The following IQCJ variants were observed in gnomAD, a reference collection of about 807,000 sequenced individuals.
IQCJ encodes the protein IQ motif containing J, also known as IQ domain-containing protein J.
In IQCJ, 9 loss-of-function variants were observed where a neutral mutation model predicts 11.0. The observed-to-expected ratio is 0.82, with a 90% CI of 0.49 to 1.43. The LOEUF (loss-of-function observed/expected upper bound fraction) is 1.43. IQCJ is among the 40% of genes most tolerant of loss of function. IQCJ has a pLI of 0.00. For missense variants in IQCJ, 146 were observed against 133.2 expected (o/e 1.10, Z -0.47); for synonymous variants, 55 against 51.3 (o/e 1.07, Z -0.31).
intron 1 of IQCJ, among the ~76,000 whole-genome samples, chr3:159,162,517 C>A (rs1203420611): frequency 1.3e-5 from 2 of 152,176 alleles, no homozygotes; most frequent in Non-Finnish European, 2.9e-5. Flanking sequence ...ATTGAATATC[C>A]TTTATTTCCT....
intron 2 of IQCJ, among the ~76,000 whole-genome samples, chr3:159,252,276 T>C (rs761627267): frequency 1.3e-5 from 2 of 152,204 alleles, no homozygotes; most frequent in Non-Finnish European, 2.9e-5. Flanking sequence ...ATCCATGCTT[T>C]GTTCCCAGTG....
At chr3:159,122,712 ATTT>A (rs768873220) in intron 1 of IQCJ, among the ~76,000 whole-genome samples, 24 of 152,194 alleles carry the variant, frequency 1.6e-4, no homozygotes, top group Non-Finnish European at 3.1e-4. Context: ...AAAAATCCAG[ATTT>A]TTTATTAATG....
chr3:159,201,503 G>A (rs953693093), intron 1 of IQCJ, among the ~76,000 whole-genome samples: 2 of 124,276 alleles, frequency 1.6e-5, no homozygotes, highest in African/African-American at 5.9e-5. Context: ...GTGATTCTTT[G>A]TGTATCTCTG....
chr3:159,079,141 A>G (rs1311988952), intron 1 of IQCJ, among the ~76,000 whole-genome samples: 1 of 152,098 alleles, frequency 6.6e-6, no homozygotes, highest in Non-Finnish European at 1.5e-5. Context: ...CAAAGAACCA[A>G]CTAAGCATGG....
rs190993968 is a variant in IQCJ at position 159,118,537 on chromosome 3, A to G, written c.9+49096A>G. Among the ~76,000 whole-genome samples the G allele has an allele frequency of 9.8e-5, 15 of 152,336 alleles. No homozygotes were observed. The East Asian group carries it at 2.9e-3, about 29-fold the overall frequency. On this transcript the variant is annotated intron_variant, in intron 1 of 3. Coordinates refer to ENST00000397832, the MANE Select transcript of IQCJ (RefSeq NM_001042706.3). ...GTAAAAGTTATCAGTCACATTTCAT[A>G]GTTTGGAAAGCAAGTGTCAGGGATG...
downstream of IQCJ, chr3:159,263,798 G>A (rs1244501825): frequency 4.1e-6 from 4 of 985,162 alleles, no homozygotes; most frequent in East Asian, 4.5e-4. Context: ...TGAGTTTATA[G>A]CAGTGCAAAT....
intron 1 of IQCJ, among the ~76,000 whole-genome samples, chr3:159,138,857 T>C (rs2108175767): frequency 6.6e-6 from 1 of 152,370 alleles, no homozygotes; most frequent in South Asian, 2.1e-4. Flanking sequence ...CATATTTATT[T>C]GTGGAGCTCT....
intron 1 of IQCJ, among the ~76,000 whole-genome samples, chr3:159,199,456 A>AT (rs1724186053): frequency 6.6e-6 from 1 of 152,178 alleles, no homozygotes; most frequent in Admixed American, 6.5e-5. Flanking sequence ...TAATACCTTC[A>AT]TTTTTGCCCA....
intron 1 of IQCJ, among the ~76,000 whole-genome samples, chr3:159,094,422 CTTTTTTTTT>C (rs71302258): frequency 1.4e-5 from 1 of 71,714 alleles, no homozygotes; most frequent in Non-Finnish European, 2.5e-5. Flanking sequence ...ACAGGATCTG[CTTTTTTTTT>C]TTTTTTTTTT....
At chr3:159,140,626 GGTTCTGA>G (rs1468986768) in intron 1 of IQCJ, among the ~76,000 whole-genome samples, 1 of 152,168 alleles carries the variant, frequency 6.6e-6, no homozygotes, top group Non-Finnish European at 1.5e-5. Context: ...ATAAAATAGG[GGTTCTGA>G]GTGCAGGGTC....
At chr3:159,160,988 A>C (rs1230230511) in intron 1 of IQCJ, among the ~76,000 whole-genome samples, 1 of 152,104 alleles carries the variant, frequency 6.6e-6, no homozygotes, top group African/African-American at 2.4e-5. Flanking sequence ...GCCGCAATAA[A>C]CATACGTGTG....
chr3:159,110,639 G>A (rs979655577), intron 1 of IQCJ, among the ~76,000 whole-genome samples: 4 of 152,042 alleles, frequency 2.6e-5, no homozygotes, highest in Non-Finnish European at 5.9e-5. Context: ...ACTGTTAGGA[G>A]GGGCCGTCTT....
At chr3:159,212,778 A>G (rs1298382567) in intron 1 of IQCJ, among the ~76,000 whole-genome samples, 1 of 152,154 alleles carries the variant, frequency 6.6e-6, no homozygotes, top group African/African-American at 2.4e-5. Flanking sequence ...TGAAAGGGAA[A>G]ATACTCGAAG....
chr3:159,210,417 G>A (rs1365061425), intron 1 of IQCJ, among the ~76,000 whole-genome samples: 1 of 152,170 alleles, frequency 6.6e-6, no homozygotes, highest in Non-Finnish European at 1.5e-5. Context: ...TACTCTAGTA[G>A]AAGTTAATTT....
At chr3:159,200,091 G>A (rs1724229574) in intron 1 of IQCJ, among the ~76,000 whole-genome samples, 1 of 101,984 alleles carries the variant, frequency 9.8e-6, no homozygotes, top group African/African-American at 5.0e-5. Flanking sequence ...ATGTATGTAT[G>A]TGTTTATACA....
intron 1 of IQCJ, among the ~76,000 whole-genome samples, chr3:159,125,397 C>T (rs139451144): frequency 6.6e-6 from 1 of 152,252 alleles, no homozygotes; most frequent in East Asian, 1.9e-4. Context: ...GATCTTAGAG[C>T]AGAAAATGGA....
chr3:159,122,117 A>G (rs552443169), intron 1 of IQCJ, among the ~76,000 whole-genome samples: 7 of 152,086 alleles, frequency 4.6e-5, no homozygotes, highest in African/African-American at 1.7e-4. Context: ...TTGGCTTTTT[A>G]TTGGTTCATT....
chr3:159,147,704 C>T (rs1720996176), intron 1 of IQCJ, among the ~76,000 whole-genome samples: 1 of 152,144 alleles, frequency 6.6e-6, no homozygotes. Context: ...ACTTTTTTAT[C>T]AATCATCTCA....
chr3:159,112,745 C>A (rs1463386911), intron 1 of IQCJ, among the ~76,000 whole-genome samples: 8 of 152,170 alleles, frequency 5.3e-5, no homozygotes, highest in African/African-American at 1.9e-4. Context: ...GTCCTCAGGG[C>A]AGTCCTTATG....
Sources: allele counts gnomAD v4.1 joint callset (sites outside exome capture counted in the v4.1 genomes callset), GRCh38; gene constraint gnomAD v4.1.1; transcripts MANE v1.5; gene names NCBI Gene and HGNC (gene_info 2026-07-23, HGNC 2026-07-21).